Variants in ME3 observed in about 807,000 individuals in gnomAD.
The protein encoded by ME3 is NADP-dependent malic enzyme, mitochondrial.
A neutral mutation model predicts 68.9 loss-of-function variants in ME3; 48 were observed. The ratio of observed to expected loss-of-function variants is 0.70; its 90% CI spans 0.55 to 0.89. The LOEUF (loss-of-function observed/expected upper bound fraction) is 0.89, where lower values mean the gene tolerates loss of function less well. ME3 is among the 40% of genes least tolerant of loss of function. ME3 has a pLI of 0.00. For synonymous variants in ME3, 320 were observed against 318.8 expected, an observed-to-expected ratio of 1.00 and a Z score of -0.04; for missense variants, 675 against 797.4, an observed-to-expected ratio of 0.85 and a Z score of 1.85.
intron 5 of ME3, among the ~76,000 whole-genome samples, chr11:86,503,496 CAG>C (rs1466651576): frequency 6.6e-6 from 1 of 152,256 alleles, no homozygotes; most frequent in Non-Finnish European, 1.5e-5. Context: ...AGAGCCTCCT[CAG>C]GGGCTCAGCG....
chr11:86,604,164 G>T (rs558703465), intron 2 of ME3, among the ~76,000 whole-genome samples: 6 of 152,040 alleles, frequency 3.9e-5, no homozygotes, highest in African/African-American at 1.4e-4. Context: ...ATAAGAAGTT[G>T]TAGAGACCAA....
intron 5 of ME3, among the ~76,000 whole-genome samples, chr11:86,504,908 C>T (rs1370001324): frequency 1.3e-5 from 2 of 152,130 alleles, no homozygotes; most frequent in Non-Finnish European, 2.9e-5. Flanking sequence ...CCAGGCTGTG[C>T]TCAAACTCCT....
intron 4 of ME3, among the ~76,000 whole-genome samples, chr11:86,539,076 G>C (rs1955875008): frequency 6.6e-6 from 1 of 152,182 alleles, no homozygotes; most frequent in Non-Finnish European, 1.5e-5. Flanking sequence ...CTCCCTCAAA[G>C]TGCGTGACCA....
At chr11:86,572,275 ATT>A (rs79139743) in intron 2 of ME3, among the ~76,000 whole-genome samples, 9 of 148,626 alleles carry the variant, frequency 6.1e-5, no homozygotes, top group East Asian at 3.9e-4. Context: ...ACTAAAGGGA[ATT>A]TTTTTTTTTT....
chr11:86,558,204 A>T (rs1957027443), intron 3 of ME3, among the ~76,000 whole-genome samples: 1 of 152,198 alleles, frequency 6.6e-6, no homozygotes, highest in Non-Finnish European at 1.5e-5. Flanking sequence ...TATCTGTAGG[A>T]AAGAGGATTT....
At chr11:86,606,350 C>A (rs1387353464) in intron 2 of ME3, among the ~76,000 whole-genome samples, 3 of 151,630 alleles carry the variant, frequency 2.0e-5, no homozygotes, top group Non-Finnish European at 2.9e-5. Flanking sequence ...GGGGAAATAT[C>A]TCAGGGACGT....
chr11:86,478,736 A>C (rs146572652), intron 7 of ME3, among the ~76,000 whole-genome samples: 2 of 152,328 alleles, frequency 1.3e-5, no homozygotes, highest in African/African-American at 4.8e-5. Context: ...GAAAAACAAT[A>C]AAGTGTTTCC....
At chr11:86,629,319 A>G (rs1943867432) in intron 2 of ME3, among the ~76,000 whole-genome samples, 1 of 152,222 alleles carries the variant, frequency 6.6e-6, no homozygotes, top group African/African-American at 2.4e-5. Context: ...TTCGAGAGAA[A>G]GATGCAGGGC....
intron 2 of ME3, among the ~76,000 whole-genome samples, chr11:86,610,456 C>A (rs897077564): frequency 2.0e-5 from 3 of 152,072 alleles, no homozygotes; most frequent in African/African-American, 4.8e-5. Context: ...GAGGATAGTG[C>A]TAAAAATTTA....
chr11:86,598,334 G>T (rs1017246716), intron 2 of ME3, among the ~76,000 whole-genome samples: 1 of 152,236 alleles, frequency 6.6e-6, no homozygotes, highest in African/African-American at 2.4e-5. Context: ...CGCCCACGGA[G>T]TCTCGCTCAT....
At chr11:86,549,046 T>G (rs34095490) in intron 4 of ME3, among the ~76,000 whole-genome samples, 17,477 of 152,268 alleles carry the variant, frequency 0.11, 1,046 homozygotes, top group African/African-American at 0.14. Flanking sequence ...GCTCAGTCTA[T>G]TTTAACAAGC....
intron 7 of ME3, among the ~76,000 whole-genome samples, chr11:86,481,889 C>A (rs148071422): frequency 2.0e-5 from 3 of 152,284 alleles, no homozygotes; most frequent in African/African-American, 7.2e-5. Context: ...ATGCTCAGGG[C>A]AGACATTGCT....
intron 10 of ME3, 59 bp from the exon 11 acceptor site, chr11:86,448,314 A>C: frequency 1.5e-6 from 2 of 1,298,874 alleles, no homozygotes; most frequent in Admixed American, 3.5e-5. Context: ...GTAGGAGTAC[A>C]GATGCATTTG....
At chr11:86,527,859 T>C in intron 4 of ME3, among the ~76,000 whole-genome samples, 1 of 152,142 alleles carries the variant, frequency 6.6e-6, no homozygotes, top group East Asian at 1.9e-4. Context: ...AAGGAAGCAC[T>C]AAACATGGAA....
chr11:86,651,041 T>A (rs1041754891), intron 2 of ME3, among the ~76,000 whole-genome samples: 1 of 152,106 alleles, frequency 6.6e-6, no homozygotes, highest in Admixed American at 6.6e-5. Context: ...GCAGCGAGGC[T>A]GGGGGAGGGG....
chr11:86,608,940 A>T (rs954584164), intron 2 of ME3, among the ~76,000 whole-genome samples: 29 of 152,224 alleles, frequency 1.9e-4, no homozygotes, highest in African/African-American at 7.0e-4. Context: ...AACAATTGAC[A>T]TGATCGTGAT....
At chr11:86,572,715 T>C (rs1957868779) in intron 2 of ME3, among the ~76,000 whole-genome samples, 1 of 152,238 alleles carries the variant, frequency 6.6e-6, no homozygotes, top group Non-Finnish European at 1.5e-5. Context: ...GCCTTTGCTA[T>C]TGTAAATGGT....
intron 4 of ME3, among the ~76,000 whole-genome samples, chr11:86,520,248 A>T (rs575145592): frequency 6.6e-6 from 1 of 152,072 alleles, no homozygotes; most frequent in East Asian, 1.9e-4. Flanking sequence ...TGTCCATGTG[A>T]CTCCATCAGT....
rs113870377 is a variant in ME3, at chr11:86,576,155, G to A, written c.184-16332C>T. 9.6e-3 allele frequency among the ~76,000 whole-genome samples: 1,465 copies of A among 152,234 alleles called. 22 individuals are homozygous for A. Among genetic ancestry groups the A allele is most frequent in the African/African-American group, 0.028 (1,146 of 41,532 alleles). ...CAGTGAGTGGTAGGTAGCTAACATC[G>A]TTATTTGTTCCTTAAAAACAAAGAT... On this transcript the variant is annotated intron_variant, in intron 2 of 14. Transcript: ENST00000543262.
Sources: gnomAD v4.1 joint callset for allele counts (sites outside exome capture counted in the v4.1 genomes callset) on GRCh38, gnomAD v4.1.1 for gene constraint, MANE v1.5 for transcripts, NCBI Gene and HGNC (gene_info 2026-07-23, HGNC 2026-07-21) for gene names.